COL22A1: variants seen among roughly 807,000 people sequenced by gnomAD.
COL22A1 encodes collagen type XXII alpha 1 chain.
In COL22A1, 221 loss-of-function variants were observed where a neutral mutation model predicts 248.9. That is an observed-to-expected ratio of 0.89 (90% CI 0.80 to 0.99). The LOEUF (loss-of-function observed/expected upper bound fraction) is 0.99. Ranked by LOEUF, COL22A1 falls within the 50% of genes least tolerant of loss-of-function variation. COL22A1 has a pLI of 0.00. For missense variants in COL22A1, 2,240 were observed against 2,179.0 expected (o/e 1.03, Z -0.56); for synonymous variants, 891 against 793.4 (o/e 1.12, Z -2.07).
chr8:138,844,217 T>C lies in COL22A1; in HGVS notation c.659-59A>G, dbSNP rs1821077211. 4 of 1,524,668 alleles carry C rather than the reference T, an allele frequency of 2.6e-6. No individual in the cohort carries two copies. The Admixed American group carries it at 5.0e-5, about 19-fold the overall frequency. The allele number at this position is 1,524,668 out of a possible 1,614,324, so 94.4% of individuals were successfully genotyped here. On this transcript the variant is annotated intron_variant, in intron 3 of 64. Transcript: ENST00000303045. ...GAAAATGTGACCCATCGTCACCCTG[T>C]GAAATATGACAGCACACAAGACCCC...
intron 50 of COL22A1, 44 bp from the exon 51 acceptor site, chr8:138,626,287 C>A: frequency 6.6e-7 from 1 of 1,506,410 alleles, no homozygotes; most frequent in Non-Finnish European, 9.2e-7. Context: ...CCTCTGCTGG[C>A]TTTTCTGGAA....
intron 23 of COL22A1, among the ~76,000 whole-genome samples, chr8:138,730,522 G>C (rs1218620770): frequency 1.3e-5 from 2 of 152,266 alleles, no homozygotes; most frequent in Non-Finnish European, 1.5e-5. Context: ...AAGCATCAGA[G>C]GGCTTAGGAT....
At chr8:138,825,588 A>AGTAT (rs1819516689) in intron 6 of COL22A1, 1 of 152,218 alleles carries the variant, frequency 6.6e-6, no homozygotes, top group South Asian at 2.1e-4. Flanking sequence ...TCCTACTAAG[A>AGTAT]GTATGTACAT....
At chr8:138,702,312 A>T (rs1174189090) in intron 31 of COL22A1, among the ~76,000 whole-genome samples, 1 of 152,208 alleles carries the variant, frequency 6.6e-6, no homozygotes, top group East Asian at 1.9e-4. Context: ...AATTTCTTCC[A>T]ACACCCTTAT....
chr8:138,603,413 G>A, intron 59 of COL22A1, among the ~76,000 whole-genome samples: 1 of 152,220 alleles, frequency 6.6e-6, no homozygotes, highest in East Asian at 1.9e-4. Context: ...GGCATTATAG[G>A]TGCGTGGAAG....
intron 47 of COL22A1, among the ~76,000 whole-genome samples, chr8:138,643,439 C>T (rs1018933769): frequency 6.6e-6 from 1 of 152,190 alleles, no homozygotes; most frequent in South Asian, 2.1e-4. Context: ...AAGGCTGGTG[C>T]TGTTGTCACA....
rs981026767 is a variant in COL22A1, at chr8:138,591,583, A to G, written c.4616-82T>C. On this transcript the variant is annotated intron_variant, in intron 63 of 64. Transcript: ENST00000303045. ...GGGCGTCCCACCTTGCGGGAGGTGC[A>G]GGGGCAGCACTGGGCTGCTGTGGCA... 5 of 1,134,844 alleles carry G rather than the reference A, an allele frequency of 4.4e-6. No individual in the cohort carries two copies. The East Asian group carries it at 1.2e-4, about 26-fold the overall frequency. 70.3% of individuals were successfully genotyped at this position (1,134,844 alleles called of 1,614,324 possible).
Position 138,833,041 on chromosome 8 carries a change from A to T in COL22A1, c.843T>A (p.Thr281=). ...RMGSFPVVQS[T]EDVFPQGLPD... ...TGGAAAGAGAAGTGGCCACTCACTC[A>T]GTACTTTGCACCACAGGGAAGGATC... The change falls in exon 5 of 65, where the codon ACT becomes ACA. Residue 281 remains threonine (T), a splice_region_variant and synonymous_variant. Coordinates refer to ENST00000303045, the MANE Select transcript of COL22A1 (RefSeq NM_152888.3). 6.2e-7 allele frequency: 1 copy of T among 1,600,296 alleles called. No individual in the cohort carries two copies. The highest frequency in any genetic ancestry group is 8.6e-7 in the Non-Finnish European group (1 of 1,167,420).
At position 138,777,988 on chromosome 8, in the gene COL22A1, C is replaced by A. The variant is rs114810919; in HGVS notation, c.1758+365G>T. 5.7e-3 allele frequency: 1,980 copies of A among 349,192 alleles called. 39 individuals are homozygous for A. Among genetic ancestry groups the A allele is most frequent in the African/African-American group, 0.039 (1,794 of 45,996 alleles). 21.6% of individuals were successfully genotyped at this position (349,192 alleles called of 1,614,324 possible). ...GGCACTGTTCCAGGGGCTAAGAATT[C>A]AGTAGACTCCACCCTTCTTACAAGA... On this transcript the variant is annotated intron_variant, in intron 15 of 64. Coordinates refer to ENST00000303045, the MANE Select transcript of COL22A1 (RefSeq NM_152888.3).
At chr8:138,882,422 TC>T (rs1824286166) in intron 2 of COL22A1, among the ~76,000 whole-genome samples, 2 of 127,556 alleles carry the variant, frequency 1.6e-5, no homozygotes, top group Non-Finnish European at 3.3e-5. Flanking sequence ...TCTCTCACAC[TC>T]CCTCACACAC....
At chr8:138,884,732 G>A (rs1824511376) in intron 1 of COL22A1, among the ~76,000 whole-genome samples, 1 of 152,156 alleles carries the variant, frequency 6.6e-6, no homozygotes, top group Admixed American at 6.5e-5. Flanking sequence ...CCTGGACCAG[G>A]GCTAGGAGGG....
chr8:138,780,962 C>T lies in COL22A1; in HGVS notation c.1615G>A (p.Gly539Ser), dbSNP rs1259277166. ...KGEKGSLGLP[G>S]PPGRDGSKGM... ...TTGCTGCCGTCTCTCCCAGGGGGGC[C>T]GGGCAGGCCCAGGGAACCCTAAAGC... Residue 539 changes from glycine to serine, a missense_variant, in exon 13 of 65, where the codon GGC becomes AGC. By Grantham distance (56) the Gly-to-Ser change is moderately conservative. Coordinates refer to ENST00000303045, the MANE Select transcript of COL22A1 (RefSeq NM_152888.3). 16 of 1,607,728 alleles carry T rather than the reference C, an allele frequency of 1.0e-5. No individual in the cohort carries two copies. The highest frequency in any genetic ancestry group is 3.4e-5 in the Admixed American group (2 of 58,436).
At chr8:138,716,363 T>C in intron 28 of COL22A1, 74 bp from the exon 29 acceptor site, 1 of 1,012,566 alleles carries the variant, frequency 9.9e-7, no homozygotes, top group Non-Finnish European at 1.5e-6. Flanking sequence ...CCATGTGCTC[T>C]CAGTTCCTGC....
rs185469967 is a variant in COL22A1, at chr8:138,754,228, C to A, written c.2031+929G>T. 2.7e-5 allele frequency among the ~76,000 whole-genome samples: 4 copies of A among 148,548 alleles called. No homozygotes were observed. The East Asian group carries it at 8.1e-4, about 30-fold the overall frequency. ...GAAAGGTAAATATTGGAACACACTGCATTCTCTGCATTATCTAGTTTAAAT... is the reference window on the plus strand; with the variant it reads ...GAAAGGTAAATATTGGAACACACTGAATTCTCTGCATTATCTAGTTTAAAT... On this transcript the variant is annotated intron_variant, in intron 21 of 64. Transcript: ENST00000303045.
At chr8:138,807,495 C>T (rs1263561872) in intron 10 of COL22A1, among the ~76,000 whole-genome samples, 2 of 152,160 alleles carry the variant, frequency 1.3e-5, no homozygotes, top group African/African-American at 2.4e-5. Flanking sequence ...GAGAGTTGAG[C>T]GTGTTGGAGC....
At chr8:138,785,817 C>T (rs1277940027) in intron 12 of COL22A1, among the ~76,000 whole-genome samples, 1 of 152,204 alleles carries the variant, frequency 6.6e-6, no homozygotes, top group African/African-American at 2.4e-5. Flanking sequence ...GACTTAAGCA[C>T]CTCTGCATTC....
At position 138,597,076 on chromosome 8, in the gene COL22A1, C is replaced by T. The variant is rs901270780; in HGVS notation, c.4366-106G>A. On this transcript the variant is annotated intron_variant, in intron 61 of 64. Transcript: ENST00000303045. Reference sequence around the variant, plus strand: ...GAAGTTCGTAGGTGGTATATACCCACACAGGGAAGCACATGTTCCTAGCCC... The same window carrying T: ...GAAGTTCGTAGGTGGTATATACCCATACAGGGAAGCACATGTTCCTAGCCC... The T allele has an allele frequency of 7.2e-5, 57 of 786,786 alleles. No individual in the cohort carries two copies. In the African/African-American group the frequency reaches 7.5e-4, roughly 10 times the overall value. The allele number at this position is 786,786 out of a possible 1,614,324, so 48.7% of individuals were successfully genotyped here.
intron 49 of COL22A1, among the ~76,000 whole-genome samples, chr8:138,631,896 T>TGTTCCTCATTGGAACACTAAATTTA (rs1820750906): frequency 6.6e-6 from 1 of 152,206 alleles, no homozygotes; most frequent in Non-Finnish European, 1.5e-5. Flanking sequence ...ATTTATTTAG[T>TGTTCCTCATTGGAACACTAAATTTA]GTTCCTCATT....
At chr8:138,747,836 A>G (rs1257908834) in intron 22 of COL22A1, among the ~76,000 whole-genome samples, 1 of 152,212 alleles carries the variant, frequency 6.6e-6, no homozygotes, top group Non-Finnish European at 1.5e-5. Context: ...AGGAGGGAAT[A>G]AAAGCAAGTA....
Sources: gnomAD v4.1 joint callset for allele counts (sites outside exome capture counted in the v4.1 genomes callset) on GRCh38, gnomAD v4.1.1 for gene constraint, MANE v1.5 for transcripts, NCBI Gene and HGNC (gene_info 2026-07-23, HGNC 2026-07-21) for gene names.